The following DYNC1H1 variants were observed in gnomAD, a reference collection of about 807,000 sequenced individuals.
DYNC1H1 encodes the protein cytoplasmic dynein 1 heavy chain 1.
DYNC1H1 carries 51 observed loss-of-function variants against 527.1 expected under a neutral mutation model. That is an observed-to-expected ratio of 0.10 (90% CI 0.08 to 0.12). DYNC1H1 has a LOEUF of 0.12. Ranked by LOEUF, DYNC1H1 falls within the 10% of genes least tolerant of loss-of-function variation. DYNC1H1 has a pLI of 1.00. For synonymous variants in DYNC1H1, 2,189 were observed against 2,278.8 expected (o/e 0.96, Z 1.12); for missense variants, 2,771 against 5,971.8 (o/e 0.46, Z 17.66).
chr14:101,987,280 A>G (rs1211338918), intron 8 of DYNC1H1, among the ~76,000 whole-genome samples, 173 bp from the exon 9 acceptor site: 1 of 152,224 alleles, frequency 6.6e-6, no homozygotes, highest in African/African-American at 2.4e-5. Context: ...TTCCTCTGCA[A>G]GGACATGCGA....
chr14:102,044,836 C>T lies in DYNC1H1; in HGVS notation c.13006+138C>T. ...CCCTCCCTGGTTATGCTGGGTGTGG[C>T]TCTGTCAGCCTCGGCCTTCCTGCCA... On this transcript the variant is annotated intron_variant, in intron 72 of 77. Coordinates refer to ENST00000360184, the MANE Select transcript of DYNC1H1 (RefSeq NM_001376.5). The surrounding 1 kb of genome is among the most constrained non-coding windows in gnomAD (Gnocchi z 7.1). 2.0e-6 allele frequency: 2 copies of T among 996,300 alleles called. No individual in the cohort carries two copies. Among genetic ancestry groups the T allele is most frequent in the Non-Finnish European group, 3.0e-6 (2 of 665,196 alleles). 61.7% of individuals were successfully genotyped at this position (996,300 alleles called of 1,614,324 possible).
intron 5 of DYNC1H1, 84 bp downstream of exon 5, chr14:101,980,634 A>G (rs548351009): frequency 2.0e-6 from 3 of 1,500,070 alleles, no homozygotes; most frequent in Middle Eastern, 1.7e-4. Context: ...AATGAAAACT[A>G]TAGTTTTCAC....
chr14:102,008,351 T>C lies in DYNC1H1; in HGVS notation c.5977+14T>C. The C allele has an allele frequency of 4.3e-6, 7 of 1,613,966 alleles. No individual in the cohort carries two copies. Among genetic ancestry groups the C allele is most frequent in the Non-Finnish European group, 5.9e-6 (7 of 1,179,948 alleles). ...ACTACGACAAGAGTAAGACACCTCT[T>C]CTTCAAAAATTACTTAGAGAATGTA... On this transcript the variant is annotated intron_variant, in intron 29 of 77. Coordinates refer to ENST00000360184, the MANE Select transcript of DYNC1H1 (RefSeq NM_001376.5).
chr14:102,032,196 T>A, intron 51 of DYNC1H1, 76 bp from the exon 52 acceptor site: 1 of 1,582,506 alleles, frequency 6.3e-7, no homozygotes, highest in Non-Finnish European at 8.7e-7. Flanking sequence ...CTCCTGGCTG[T>A]TTTGGTTCAT....
At chr14:101,992,441 A>G (rs1301301514) in intron 11 of DYNC1H1, among the ~76,000 whole-genome samples, 1 of 152,180 alleles carries the variant, frequency 6.6e-6, no homozygotes, top group Non-Finnish European at 1.5e-5. Flanking sequence ...AATCCTTAGC[A>G]TCATTCTCAT....
chr14:102,004,240 TC>T (rs2048170087), intron 23 of DYNC1H1, among the ~76,000 whole-genome samples: 1 of 143,500 alleles, frequency 7.0e-6, no homozygotes, highest in South Asian at 2.1e-4. Context: ...CAAGACTCCG[TC>T]TCAAAAATAA....
chr14:101,976,548 A>AG (rs1491305544), intron 2 of DYNC1H1, among the ~76,000 whole-genome samples: 6 of 151,862 alleles, frequency 4.0e-5, no homozygotes, highest in Non-Finnish European at 8.8e-5. Flanking sequence ...GTCTCAAAAA[A>AG]GAAAAAAAAA....
At position 101,997,228 on chromosome 14, in the gene DYNC1H1, G is replaced by A. The variant is rs2048072649; in HGVS notation, c.3758G>A (p.Arg1253His). ...CAGGAGGATCGGGCCGTGGAAAGCC[G>A]CACCACCGACCTGCTGACTGACTGG... ...IVQEDRAVES[R>H]TTDLLTDWEK... The change falls in exon 16 of 78, where the codon CGC (arginine) becomes CAC (histidine). Residue 1253 changes from arginine to histidine, a missense_variant. This residue lies in a region of DYNC1H1 where 223 missense variants were observed against 462.5 expected (regional missense o/e 0.48). Coordinates refer to ENST00000360184, the MANE Select transcript of DYNC1H1 (RefSeq NM_001376.5). This position sits in a 1 kb window ranked among gnomAD's most constrained non-coding sequence, Gnocchi z 4.8. The A allele has an allele frequency of 2.5e-6, 4 of 1,613,996 alleles. No individual in the cohort carries two copies. Among genetic ancestry groups the A allele is most frequent in the East Asian group, 2.2e-5 (1 of 44,864 alleles).
At chr14:101,971,899 A>C (rs1309531530) in intron 1 of DYNC1H1, among the ~76,000 whole-genome samples, 1 of 152,222 alleles carries the variant, frequency 6.6e-6, no homozygotes, top group African/African-American at 2.4e-5. Context: ...TAACCAAGGA[A>C]GTGTTCACAA....
In DYNC1H1 at chr14:102,015,828, G is replaced by A. The variant is rs1381524889; in HGVS notation, c.7243-28G>A. On this transcript the variant is annotated intron_variant, in intron 35 of 77. Transcript: ENST00000360184. This position sits in a 1 kb window ranked among gnomAD's most constrained non-coding sequence, Gnocchi z 6.9. ...AAACTCGCCTGCCTTTTGAAAGATA[G>A]TTAAGTATCACTCCTTCCACTTTCT... 3 of 1,612,398 alleles carry A rather than the reference G, an allele frequency of 1.9e-6. No individual in the cohort carries two copies. Among genetic ancestry groups the A allele is most frequent in the Non-Finnish European group, 2.5e-6 (3 of 1,178,822 alleles).
In DYNC1H1 at chr14:101,988,715, T is replaced by C. The variant is rs2047963644; in HGVS notation, c.2731T>C (p.Leu911=). 3.7e-6 allele frequency: 6 copies of C among 1,614,118 alleles called. No homozygotes were observed. The highest frequency in any genetic ancestry group is 5.1e-6 in the Non-Finnish European group (6 of 1,180,024). Residue 911 remains leucine, a synonymous_variant, in exon 10 of 78, where the codon TTG becomes CTG. Transcript: ENST00000360184. Reference sequence around the variant, plus strand: ...ACGTTGTCTGTAGATTGAAAGAATATTGGGCGTCCGTCTGCAAGCTGGCCT... The same window carrying C: ...ACGTTGTCTGTAGATTGAAAGAATACTGGGCGTCCGTCTGCAAGCTGGCCT... The part of the protein sequence containing the change: ...NKLDMEIERI[L]GVRLQAGLRA...
intron 43 of DYNC1H1, among the ~76,000 whole-genome samples, chr14:102,024,733 C>T (rs1398328960): frequency 4.6e-5 from 6 of 131,816 alleles, no homozygotes; most frequent in East Asian, 2.3e-4. Flanking sequence ...CTCGCTCTGT[C>T]GCCCAGGCTA....
chr14:102,049,929 G>T lies in DYNC1H1; in HGVS notation c.13684+47G>T. 1.9e-6 allele frequency: 3 copies of T among 1,613,582 alleles called. No homozygotes were observed. Among genetic ancestry groups the T allele is most frequent in the South Asian group, 1.1e-5 (1 of 91,068 alleles). ...ATACTGGCTCTTTGCAGGTGACCTC[G>T]GTGGCCTGAGACCATTGTTCCCAGA... On this transcript the variant is annotated intron_variant, in intron 76 of 77. Coordinates refer to ENST00000360184, the MANE Select transcript of DYNC1H1 (RefSeq NM_001376.5). The surrounding 1 kb of genome is among the most constrained non-coding windows in gnomAD (Gnocchi z 5.5).
At chr14:102,032,689 A>C (rs71415870) in intron 52 of DYNC1H1, 3 of 621,432 alleles carry the variant, frequency 4.8e-6, no homozygotes, top group African/African-American at 1.8e-5. Context: ...CTGTCTCTAC[A>C]AAAAAATACA....
In DYNC1H1 at chr14:102,015,406, C is replaced by T; in HGVS notation, c.7242+74C>T. On this transcript the variant is annotated intron_variant, in intron 35 of 77. Transcript: ENST00000360184. The surrounding 1 kb of genome is among the most constrained non-coding windows in gnomAD (Gnocchi z 6.9). ...ATTCAGATGTGGTCTCGCTGTGTTG[C>T]CCACGCTGGTCTTGAACTCCTGGGC... 5 of 1,480,760 alleles carry T rather than the reference C, an allele frequency of 3.4e-6. No individual in the cohort carries two copies. The highest frequency in any genetic ancestry group is 4.6e-6 in the Non-Finnish European group (5 of 1,096,416). 91.7% of individuals were successfully genotyped at this position (1,480,760 alleles called of 1,614,324 possible).
rs1314819002 is a variant in DYNC1H1, at chr14:102,027,007, G to C, written c.8772-167G>C. ...CTAGAGGACAGGACCGTGTCTTACT[G>C]GTCTTTGCATTCCTCCTGGACTTCA... is the stretch of plus-strand genomic sequence containing the variant. On this transcript the variant is annotated intron_variant, in intron 44 of 77. Transcript: ENST00000360184. The surrounding 1 kb of genome is among the most constrained non-coding windows in gnomAD (Gnocchi z 7.7). 1 of 898,170 alleles carries C rather than the reference G, an allele frequency of 1.1e-6. No individual in the cohort carries two copies. Among genetic ancestry groups the C allele is most frequent in the African/African-American group, 1.6e-5 (1 of 61,330 alleles). The allele number at this position is 898,170 out of a possible 1,614,324, so 55.6% of individuals were successfully genotyped here. A position where few individuals can be genotyped will look rare whatever the true frequency, so the allele number is the denominator to read the frequency against.
intron 16 of DYNC1H1, among the ~76,000 whole-genome samples, chr14:101,998,748 G>A (rs994778837): frequency 1.3e-5 from 2 of 152,086 alleles, no homozygotes; most frequent in Non-Finnish European, 2.9e-5. Context: ...TGCTGTTACT[G>A]CTAGGTTATG....
At chr14:102,046,674 G>C (rs1438781700) in intron 72 of DYNC1H1, among the ~76,000 whole-genome samples, 1 of 152,200 alleles carries the variant, frequency 6.6e-6, no homozygotes, top group Admixed American at 6.5e-5. Context: ...AGCGCCTCTC[G>C]AGCACGCACT....
At position 102,001,148 on chromosome 14, in the gene DYNC1H1, A is replaced by G; in HGVS notation, c.4189A>G (p.Asn1397Asp). The stretch of plus-strand genomic sequence containing the variant: ...ACTTTGTTTACTTTCTCCACAGATA[A>G]ATATGCTGGTGATTGAACTGAAATC... ...QRLLKGYMKI[N>D]MLVIELKSEA... Residue 1397 changes from asparagine (N) to aspartate (D), a missense_variant, in exon 20 of 78, where the codon AAT (asparagine) becomes GAT (aspartate). Asn to Asp is a conservative substitution (Grantham distance 23). This residue lies in a region of DYNC1H1 where 223 missense variants were observed against 462.5 expected (regional missense o/e 0.48). Coordinates refer to ENST00000360184, the MANE Select transcript of DYNC1H1 (RefSeq NM_001376.5). The surrounding 1 kb of genome is among the most constrained non-coding windows in gnomAD (Gnocchi z 5.0). The G allele has an allele frequency of 6.2e-7, 1 of 1,614,200 alleles. No homozygotes were observed. The highest frequency in any genetic ancestry group is 8.5e-7 in the Non-Finnish European group (1 of 1,180,034).
Sources: gnomAD v4.1 joint callset for allele counts (sites outside exome capture counted in the v4.1 genomes callset) on GRCh38, gnomAD v4.1.1 for gene constraint, gnomAD v4.1.1 regional missense constraint, Gnocchi (gnomAD v3.1) non-coding constraint, MANE v1.5 for transcripts, NCBI Gene and HGNC (gene_info 2026-07-23, HGNC 2026-07-21) for gene names.